The following METTL22 variants were observed in gnomAD, a reference collection of about 807,000 sequenced individuals.
The protein encoded by METTL22 is methyltransferase 22, Kin17 lysine.
METTL22 carries 51 observed loss-of-function variants against 48.4 expected under a neutral mutation model. That is an observed-to-expected ratio of 1.05 (90% CI 0.84 to 1.33). METTL22 has a LOEUF of 1.33. Among genes scored for constraint, METTL22 ranks in the 40% most tolerant of loss-of-function variants. The probability of loss-of-function intolerance (pLI) is 0.00; values close to 1 mark genes in which losing one functional copy is unlikely to be tolerated. For synonymous variants in METTL22, 255 were observed against 214.1 expected (o/e 1.19, Z -1.67); for missense variants, 678 against 526.9 (o/e 1.29, Z -2.81).
rs748822224 is a variant in METTL22, at chr16:8,642,534, G to A, written c.979G>A (p.Ala327Thr). ...LSRLAHRLKN[A>T]CTAILSVEKR... ...CCGACTCGCCCACAGATTGAAAAAT[G>A]CCTGCACAGCCATACTGTCGGTGGA... The change falls in exon 9 of 11, where the codon GCC (alanine) becomes ACC (threonine). Residue 327 changes from alanine to threonine, a missense_variant. Ala to Thr is a moderately conservative substitution (Grantham distance 58). Transcript: ENST00000381920. The A allele has an allele frequency of 6.8e-6, 11 of 1,614,224 alleles. No individual in the cohort carries two copies. The highest frequency in any genetic ancestry group is 3.3e-5 in the South Asian group (3 of 91,088).
chr16:8,660,804 AG>A, the METTL22 span, among the ~76,000 whole-genome samples: 20 of 3,012 alleles, frequency 6.6e-3, no homozygotes, highest in Admixed American at 0.015. Context: ...GAGGAGGAGG[AG>A]GAGGAGGAGG....
the METTL22 span, among the ~76,000 whole-genome samples, chr16:8,664,777 C>A: frequency 6.6e-6 from 1 of 152,196 alleles, no homozygotes; most frequent in South Asian, 2.1e-4. Flanking sequence ...AAAGCTCTTT[C>A]CCAGGACCCA....
the METTL22 span, among the ~76,000 whole-genome samples, chr16:8,655,744 C>T: frequency 3.6e-4 from 55 of 152,350 alleles, no homozygotes; most frequent in Admixed American, 2.6e-4. Flanking sequence ...ATGCAGAGAT[C>T]GTGTTCTCAT....
At position 8,623,118 on chromosome 16, in the gene METTL22, A is replaced by G. The variant is rs111712824; in HGVS notation, c.-171+1343A>G. 1.3e-4 allele frequency among the ~76,000 whole-genome samples: 20 copies of G among 152,254 alleles called. 2 individuals are homozygous for G. Among genetic ancestry groups the G allele is most frequent in the African/African-American group, 4.8e-4 (20 of 41,552 alleles). ...CTACCTTGGTCAGGAGTTCAAGACT[A>G]GCCTGGCCAACATGGCAAAACCCCA... On this transcript the variant is annotated intron_variant, in intron 1 of 10. Coordinates refer to ENST00000381920, the MANE Select transcript of METTL22 (RefSeq NM_024109.4).
In METTL22 at chr16:8,635,305, T is replaced by C. The variant is rs375327221; in HGVS notation, c.693T>C (p.Tyr231=). 84 of 1,572,726 alleles carry C rather than the reference T, an allele frequency of 5.3e-5. No individual in the cohort carries two copies. Among genetic ancestry groups the C allele is most frequent in the Admixed American group, 1.9e-4 (11 of 57,140 alleles). ...IIAATMARTV[Y]CTDVGADLLS... ...CAGCCACCATGGCACGGACCGTTTA[T>C]TGTACAGGTAATGAGGTGACATCTC... Residue 231 remains tyrosine, a synonymous_variant, in exon 5 of 11, where the codon TAT becomes TAC. Transcript: ENST00000381920.
At chr16:8,659,044 T>C in the METTL22 span, among the ~76,000 whole-genome samples, 8 of 152,138 alleles carry the variant, frequency 5.3e-5, no homozygotes, top group African/African-American at 1.9e-4. Flanking sequence ...CTTGGTGTGA[T>C]AATCAGCCAG....
the METTL22 span, among the ~76,000 whole-genome samples, chr16:8,662,423 G>A: frequency 6.9e-6 from 1 of 144,772 alleles, no homozygotes; most frequent in Non-Finnish European, 1.5e-5. Flanking sequence ...ATGGATTGAA[G>A]GGTTTGACAT....
chr16:8,643,628 T>G (rs534926473), intron 9 of METTL22, among the ~76,000 whole-genome samples: 2 of 152,234 alleles, frequency 1.3e-5, no homozygotes, highest in African/African-American at 4.8e-5. Flanking sequence ...TTTTTGTTTT[T>G]TTGAGGCAGA....
chr16:8,656,627 T>A, the METTL22 span, among the ~76,000 whole-genome samples: 2 of 152,224 alleles, frequency 1.3e-5, no homozygotes, highest in African/African-American at 4.8e-5. Flanking sequence ...TCCCTGTCAC[T>A]CCACCTTCAT....
chr16:8,657,466 C>G, the METTL22 span, among the ~76,000 whole-genome samples: 3 of 152,300 alleles, frequency 2.0e-5, no homozygotes, highest in African/African-American at 7.2e-5. Context: ...ATAGCTTTGC[C>G]TGTGGTTTCA....
intron 6 of METTL22, among the ~76,000 whole-genome samples, chr16:8,640,600 A>G (rs1411060834): frequency 1.2e-4 from 2 of 17,058 alleles, no homozygotes; most frequent in African/African-American, 3.7e-4. Context: ...ATAGATGGGT[A>G]GATGAGAGGA....
At chr16:8,656,950 T>C in the METTL22 span, among the ~76,000 whole-genome samples, 2 of 152,204 alleles carry the variant, frequency 1.3e-5, no homozygotes, top group African/African-American at 2.4e-5. Flanking sequence ...AACTCGTCCT[T>C]TTATAAGGAA....
At chr16:8,661,910 G>C in the METTL22 span, among the ~76,000 whole-genome samples, 1 of 144,450 alleles carries the variant, frequency 6.9e-6, no homozygotes, top group Non-Finnish European at 1.5e-5. Context: ...GCTAAGGCTC[G>C]AATCTTTACA....
At chr16:8,634,422 A>G (rs971441021) in intron 3 of METTL22, among the ~76,000 whole-genome samples, 4 of 152,094 alleles carry the variant, frequency 2.6e-5, no homozygotes, top group Non-Finnish European at 4.4e-5. Context: ...TTATATTTCC[A>G]TTGTGTTCCC....
At chr16:8,634,661 G>T (rs557899033) in intron 3 of METTL22, among the ~76,000 whole-genome samples, 2 of 152,282 alleles carry the variant, frequency 1.3e-5, no homozygotes, top group South Asian at 4.1e-4. Context: ...ATTATTAGTA[G>T]TATATAAATT....
chr16:8,626,149 A>T (rs1447454251), intron 2 of METTL22, among the ~76,000 whole-genome samples: 1 of 151,900 alleles, frequency 6.6e-6, no homozygotes, highest in Non-Finnish European at 1.5e-5. Context: ...GGCTCACATC[A>T]CCACACCTGG....
chr16:8,645,548 G>T (rs952791796), intron 10 of METTL22, among the ~76,000 whole-genome samples: 1 of 152,162 alleles, frequency 6.6e-6, no homozygotes, highest in Non-Finnish European at 1.5e-5. Context: ...GGCCATGGTC[G>T]GAGGGTTGCT....
chr16:8,653,708 T>A (rs764777004), downstream of METTL22, among the ~76,000 whole-genome samples: 35 of 152,190 alleles, frequency 2.3e-4, no homozygotes, highest in Non-Finnish European at 2.6e-4. Flanking sequence ...AATCCAACTT[T>A]ATTCTAAAGC....
intron 8 of METTL22, 61 bp downstream of exon 8, chr16:8,642,268 C>G (rs1340773839): frequency 6.9e-7 from 1 of 1,440,710 alleles, no homozygotes; most frequent in Non-Finnish European, 9.8e-7. Context: ...CAAGTGCAGT[C>G]TCTCCTCACT....
Sources: gnomAD v4.1 joint callset for allele counts (sites outside exome capture counted in the v4.1 genomes callset) on GRCh38, gnomAD v4.1.1 for gene constraint, MANE v1.5 for transcripts, NCBI Gene and HGNC (gene_info 2026-07-23, HGNC 2026-07-21) for gene names.